Variants in XYLT1 observed in about 807,000 individuals in gnomAD.
XYLT1 encodes the protein beta-D-xylosyltransferase 1.
Under a neutral mutation model 91.3 loss-of-function variants are expected in XYLT1, and 36 were observed. The observed-to-expected ratio is 0.39, with a 90% CI of 0.30 to 0.52. The LOEUF (loss-of-function observed/expected upper bound fraction) is 0.52, where lower values mean the gene tolerates loss of function less well. Ranked by LOEUF, XYLT1 falls within the 20% of genes least tolerant of loss-of-function variation. The pLI, the probability that XYLT1 is intolerant of heterozygous loss-of-function variation, is 0.68. For synonymous variants in XYLT1, 588 were observed against 532.0 expected (o/e 1.11, Z -1.45); for missense variants, 1,242 against 1,284.5 (o/e 0.97, Z 0.51).
intron 1 of XYLT1, among the ~76,000 whole-genome samples, chr16:17,463,094 A>C (rs1230044912): frequency 6.6e-6 from 1 of 152,200 alleles, no homozygotes; most frequent in Admixed American, 6.5e-5. Flanking sequence ...TAGATTAAAG[A>C]CTTAAATCTA....
chr16:17,283,774 A>T (rs2034093242), intron 2 of XYLT1, among the ~76,000 whole-genome samples: 1 of 152,192 alleles, frequency 6.6e-6, no homozygotes, highest in Non-Finnish European at 1.5e-5. Context: ...GTGTCTTGGG[A>T]CATCCAGCCC....
At chr16:17,348,920 A>C (rs756057275) in intron 2 of XYLT1, among the ~76,000 whole-genome samples, 1 of 152,198 alleles carries the variant, frequency 6.6e-6, no homozygotes, top group African/African-American at 2.4e-5. Flanking sequence ...ATTTATGCCA[A>C]ATGTTAGTGA....
At chr16:17,165,921 A>G (rs1404127866) in intron 5 of XYLT1, among the ~76,000 whole-genome samples, 1 of 152,234 alleles carries the variant, frequency 6.6e-6, no homozygotes, top group Non-Finnish European at 1.5e-5. Context: ...AACTACACGG[A>G]ATGAGACTTC....
rs1555485154 is a variant in XYLT1, at chr16:17,173,054, C to CAAAA, written c.1290-14149_1290-14146dup. Among the ~76,000 whole-genome samples, 1,408 of 151,796 alleles carry CAAAA rather than the reference C, an allele frequency of 9.3e-3. 8 individuals carry two copies. Among genetic ancestry groups the CAAAA allele is most frequent in the Non-Finnish European group, 0.014 (977 of 67,924 alleles). On this transcript the variant is annotated intron_variant, in intron 5 of 11. Transcript: ENST00000261381. Reference sequence around the variant, plus strand: ...CTTTACTAACAAACAAACAAACAAACAAAAAAAACCAAATTAGTAACAAAT... The same window carrying CAAAA: ...CTTTACTAACAAACAAACAAACAAACAAAAAAAAAAAACCAAATTAGTAACAAAT...
At chr16:17,121,640 A>G (rs541617678) in intron 10 of XYLT1, among the ~76,000 whole-genome samples, 1 of 152,246 alleles carries the variant, frequency 6.6e-6, no homozygotes, top group South Asian at 2.1e-4. Context: ...GCTTACATGA[A>G]TAAGTTCTTT....
At chr16:17,173,041 A>G (rs2031860774) in intron 5 of XYLT1, among the ~76,000 whole-genome samples, 1 of 151,028 alleles carries the variant, frequency 6.6e-6, no homozygotes, top group Non-Finnish European at 1.5e-5. Context: ...TTACTAACAA[A>G]CAAACAAACA....
At chr16:17,247,639 G>T (rs2033461771) in intron 3 of XYLT1, among the ~76,000 whole-genome samples, 1 of 152,208 alleles carries the variant, frequency 6.6e-6, no homozygotes, top group Admixed American at 6.5e-5. Flanking sequence ...GAACACAAGT[G>T]CCTTGTTCAA....
intron 2 of XYLT1, among the ~76,000 whole-genome samples, chr16:17,278,561 C>T (rs1245000256): frequency 6.6e-6 from 1 of 152,132 alleles, no homozygotes; most frequent in African/African-American, 2.4e-5. Flanking sequence ...GCTAACTTTC[C>T]CAGCTTCAAG....
intron 5 of XYLT1, among the ~76,000 whole-genome samples, chr16:17,161,523 T>C (rs1039825152): frequency 2.0e-5 from 3 of 152,164 alleles, no homozygotes; most frequent in Non-Finnish European, 4.4e-5. Context: ...CCCCAGTCCT[T>C]CTCCAAAGGG....
At chr16:17,259,836 C>A (rs1405716834) in intron 2 of XYLT1, among the ~76,000 whole-genome samples, 1 of 152,070 alleles carries the variant, frequency 6.6e-6, no homozygotes, top group Non-Finnish European at 1.5e-5. Context: ...GTTCCAGCGT[C>A]CCGTTTAAAT....
intron 3 of XYLT1, among the ~76,000 whole-genome samples, chr16:17,206,266 C>T (rs970849470): frequency 2.0e-5 from 3 of 152,058 alleles, no homozygotes; most frequent in South Asian, 2.1e-4. Flanking sequence ...AAAACCTGCA[C>T]GCTCAAGGTT....
intron 1 of XYLT1, among the ~76,000 whole-genome samples, chr16:17,440,097 G>A (rs1321097989): frequency 2.6e-5 from 4 of 152,162 alleles, no homozygotes; most frequent in Admixed American, 2.0e-4. Context: ...CCTGTAAGAG[G>A]CTTCCAGCTA....
chr16:17,172,337 A>G (rs1370403341), intron 5 of XYLT1, among the ~76,000 whole-genome samples: 1 of 151,416 alleles, frequency 6.6e-6, no homozygotes, highest in East Asian at 1.9e-4. Flanking sequence ...GTGCTCTTTC[A>G]TAACTCTAAG....
At chr16:17,161,428 C>T (rs926679039) in intron 5 of XYLT1, among the ~76,000 whole-genome samples, 7 of 152,116 alleles carry the variant, frequency 4.6e-5, no homozygotes, top group Admixed American at 1.3e-4. Context: ...GGCGGGGGGA[C>T]CCCTGCCTAC....
chr16:17,260,327 A>G (rs1471699803), intron 2 of XYLT1, among the ~76,000 whole-genome samples: 1 of 152,186 alleles, frequency 6.6e-6, no homozygotes, highest in East Asian at 1.9e-4. Context: ...CATTCAACCA[A>G]TGCCCCAAAT....
At chr16:17,318,628 C>T (rs78156897) in intron 2 of XYLT1, among the ~76,000 whole-genome samples, 157 of 152,260 alleles carry the variant, frequency 1.0e-3, no homozygotes, top group African/African-American at 3.5e-3. Context: ...TACTGGAATT[C>T]AGAACCTGGT....
intron 5 of XYLT1, among the ~76,000 whole-genome samples, chr16:17,187,576 A>G (rs1028306806): frequency 2.7e-5 from 4 of 150,118 alleles, no homozygotes; most frequent in Non-Finnish European, 5.9e-5. Context: ...CAAAAAAAAA[A>G]AAAAAAAAAA....
At chr16:17,332,591 C>T (rs977588377) in intron 2 of XYLT1, among the ~76,000 whole-genome samples, 2 of 151,164 alleles carry the variant, frequency 1.3e-5, no homozygotes, top group South Asian at 2.1e-4. Flanking sequence ...CACACACACA[C>T]ACACACACAC....
chr16:17,138,764 A>C (rs183524622), intron 7 of XYLT1: 1 of 483,970 alleles, frequency 2.1e-6, no homozygotes. Flanking sequence ...ATAGCAATGC[A>C]AAAATGTATA....
Sources: allele counts gnomAD v4.1 joint callset (sites outside exome capture counted in the v4.1 genomes callset), GRCh38; gene constraint gnomAD v4.1.1; transcripts MANE v1.5; gene names NCBI Gene and HGNC (gene_info 2026-07-23, HGNC 2026-07-21).